The following CARHSP1 variants were observed in gnomAD, a reference collection of about 807,000 sequenced individuals.
The protein encoded by CARHSP1 is calcium-regulated heat-stable protein 1.
In CARHSP1, 14 loss-of-function variants were observed where a neutral mutation model predicts 12.5. That is an observed-to-expected ratio of 1.12 (90% CI 0.74 to 1.75). The LOEUF (loss-of-function observed/expected upper bound fraction) is 1.75. Among genes scored for constraint, CARHSP1 ranks in the 40% most tolerant of loss-of-function variants. CARHSP1 has a pLI of 0.00. For missense variants in CARHSP1, 343 were observed against 201.6 expected (o/e 1.70, Z -4.25); for synonymous variants, 161 against 82.0 (o/e 1.96, Z -5.20).
At chr16:8,862,494 C>CAGTT (rs942956533) in intron 1 of CARHSP1, among the ~76,000 whole-genome samples, 4 of 152,042 alleles carry the variant, frequency 2.6e-5, no homozygotes, top group Admixed American at 6.6e-5. Flanking sequence ...AGAGAATAAA[C>CAGTT]AGTTAAATAA....
chr16:8,859,506 T>C (rs2061274732), intron 1 of CARHSP1, among the ~76,000 whole-genome samples, 171 bp from the exon 2 acceptor site: 1 of 151,836 alleles, frequency 6.6e-6, no homozygotes, highest in Non-Finnish European at 1.5e-5. Flanking sequence ...ATGCCTACTC[T>C]GGGCTCCTGA....
At chr16:8,855,413 G>A in intron 3 of CARHSP1, 87 bp from the exon 4 acceptor site, 1 of 1,240,868 alleles carries the variant, frequency 8.1e-7, no homozygotes, top group East Asian at 2.8e-5. Context: ...TGGTCACACA[G>A]CCACCAAAGC....
intron 1 of CARHSP1, chr16:8,860,119 C>G (rs2231702): frequency 1.0e-5 from 10 of 985,040 alleles, no homozygotes; most frequent in East Asian, 1.1e-4. Context: ...ACGCAGTGTC[C>G]GCCTCCAGGG....
chr16:8,859,308 T>A lies in CARHSP1; in HGVS notation c.21A>T (p.Pro7=). 1 of 1,571,664 alleles carries A rather than the reference T, an allele frequency of 6.4e-7. No individual in the cohort carries two copies. Among genetic ancestry groups the A allele is most frequent in the Non-Finnish European group, 8.6e-7 (1 of 1,163,636 alleles). The change falls in exon 2 of 4, where the codon CCA becomes CCT. Residue 7 remains proline, a synonymous_variant. Transcript: ENST00000311052. MSSEPP[P]PPQPPTHQAS... ...CTTGATGGGTGGGGGGCTGTGGTGG[T>A]GGGGGAGGCTCAGATGACATGGCTG...
At chr16:8,864,513 G>A (rs754665021) in intron 1 of CARHSP1, among the ~76,000 whole-genome samples, 3 of 152,190 alleles carry the variant, frequency 2.0e-5, no homozygotes, top group African/African-American at 7.2e-5. Flanking sequence ...ATGGGAGAAC[G>A]GAGACACAAA....
chr16:8,853,098 G>A lies in CARHSP1; in HGVS notation c.*2066C>T, dbSNP rs1354597068. 6.6e-6 allele frequency: 1 copy of A among 152,004 alleles called. No individual in the cohort carries two copies. Among genetic ancestry groups the A allele is most frequent in the Admixed American group, 6.6e-5 (1 of 15,236 alleles). The allele number at this position is 152,004 out of a possible 1,614,324, so 9.4% of individuals were successfully genotyped here. A position where few individuals can be genotyped will look rare whatever the true frequency, so the allele number is the denominator to read the frequency against. On this transcript the variant is annotated 3_prime_UTR_variant, in exon 4 of 4. Transcript: ENST00000311052. Reference sequence around the variant, plus strand: ...GTTTCCCCTTGTGTAAACCGGTATCGCGTCCCTTCCAGCTCTGACATCCTG... The same window carrying A: ...GTTTCCCCTTGTGTAAACCGGTATCACGTCCCTTCCAGCTCTGACATCCTG...
Position 8,859,336 on chromosome 16 carries a change from C to G in CARHSP1, c.-7-1G>C. Reference sequence around the variant, plus strand: ...GGGAGGCTCAGATGACATGGCTGACCTGGAAAGAGAAGAGGCTGTCAGGGG... The same window carrying G: ...GGGAGGCTCAGATGACATGGCTGACGTGGAAAGAGAAGAGGCTGTCAGGGG... On this transcript the variant is annotated splice_acceptor_variant, in intron 1 of 3. Transcript: ENST00000311052. LOFTEE classifies it low-confidence loss of function (5UTR_SPLICE). 1 of 1,598,290 alleles carries G rather than the reference C, an allele frequency of 6.3e-7. No homozygotes were observed. The highest frequency in any genetic ancestry group is 8.5e-7 in the Non-Finnish European group (1 of 1,178,088).
intron 3 of CARHSP1, chr16:8,857,476 ATTTTTGTG>A (rs1365259870): frequency 1.4e-3 from 43 of 30,404 alleles, no homozygotes; most frequent in African/African-American, 5.4e-3. Flanking sequence ...ATTTTTTTGT[ATTTTTGTG>A]ATGACAGGAT....
intron 3 of CARHSP1, among the ~76,000 whole-genome samples, chr16:8,857,274 T>TTGTTTTTTTTTTTTG (rs1567181170): frequency 1.0e-5 from 1 of 97,524 alleles, no homozygotes; most frequent in Non-Finnish European, 2.0e-5. Context: ...TTTTTTTTTT[T>TTGTTTTTTTTTTTTG]TTTTTTTTTT....
chr16:8,856,779 G>A (rs771033138), intron 3 of CARHSP1, among the ~76,000 whole-genome samples: 2 of 152,136 alleles, frequency 1.3e-5, no homozygotes, highest in Non-Finnish European at 2.9e-5. Flanking sequence ...AAAGAAGCAG[G>A]TAGGGACAAG....
At position 8,863,966 on chromosome 16, in the gene CARHSP1, G is replaced by A. The variant is rs1184103933; in HGVS notation, c.-7-4631C>T. Among the ~76,000 whole-genome samples, 8 of 152,294 alleles carry A rather than the reference G, an allele frequency of 5.3e-5. No individual in the cohort carries two copies. The South Asian group carries it at 1.7e-3, about 32-fold the overall frequency. On this transcript the variant is annotated intron_variant, in intron 1 of 3. Transcript: ENST00000311052. The stretch of plus-strand genomic sequence containing the variant: ...CTTGGAGTGTCCCCAGCAGAAGACA[G>A]GGCCTGCCCTCTGTGACTAGCCTTC...
intron 1 of CARHSP1, chr16:8,860,149 G>C: frequency 2.0e-6 from 2 of 985,436 alleles, no homozygotes; most frequent in Non-Finnish European, 2.4e-6. Flanking sequence ...ACACGTCGCA[G>C]AGAGCTCAAG....
chr16:8,859,259 G>A lies in CARHSP1; in HGVS notation c.70C>T (p.Pro24Ser). The A allele has an allele frequency of 6.2e-7, 1 of 1,602,902 alleles. No homozygotes were observed. The highest frequency in any genetic ancestry group is 8.5e-7 in the Non-Finnish European group (1 of 1,177,300). ...HQASVGLLDT[P>S]RSRERSPSPL... ...GATGGTGAGCGCTCACGGCTCCGAGGGGTGTCCAGCAGCCCGACTGAAGCT... is the reference window on the plus strand; with the variant it reads ...GATGGTGAGCGCTCACGGCTCCGAGAGGTGTCCAGCAGCCCGACTGAAGCT... Residue 24 changes from proline to serine, a missense_variant, in exon 2 of 4, where the codon CCT becomes TCT. By Grantham distance (74) the Pro-to-Ser change is moderately conservative. Transcript: ENST00000311052.
At chr16:8,865,935 G>A (rs775101759) in intron 1 of CARHSP1, among the ~76,000 whole-genome samples, 5 of 152,124 alleles carry the variant, frequency 3.3e-5, no homozygotes, top group Non-Finnish European at 7.4e-5. Flanking sequence ...GGTGTGGGGT[G>A]GGGCCTGAGA....
Position 8,857,267 on chromosome 16 carries a change from T to TTTGTTTTTTG in CARHSP1, c.281+1082_281+1083insCAAAAAACAA, listed in dbSNP as rs1285555523. On this transcript the variant is annotated intron_variant, in intron 3 of 3. Transcript: ENST00000311052. ...TATGTGATCTTGGGCAGATCTGTTT[T>TTTGTTTTTTG]TTTTTTTTTTTTTTTTTTTTTTTTT... Among the ~76,000 whole-genome samples, 140 of 17,226 alleles carry TTTGTTTTTTG rather than the reference T, an allele frequency of 8.1e-3. 16 individuals carry two copies. The highest frequency in any genetic ancestry group is 0.024 in the African/African-American group (124 of 5,160). 11.3% of individuals were successfully genotyped at this position (17,226 alleles called of 152,430 possible).
chr16:8,860,229 C>G (rs768679342), intron 1 of CARHSP1: 13 of 984,942 alleles, frequency 1.3e-5, no homozygotes, highest in Non-Finnish European at 1.6e-5. Context: ...CTGCGAGAGC[C>G]CAAAGGGAAA....
chr16:8,860,111 G>C (rs983434283), intron 1 of CARHSP1: 1 of 984,360 alleles, frequency 1.0e-6, no homozygotes, highest in East Asian at 1.1e-4. Flanking sequence ...TGACCCTCAC[G>C]CAGTGTCCGC....
chr16:8,857,263 G>GTTTTTTGTTTTTTGTTTTTTGT (rs1315960023), intron 3 of CARHSP1, among the ~76,000 whole-genome samples: 4 of 57,006 alleles, frequency 7.0e-5, no homozygotes, highest in South Asian at 8.8e-4. Context: ...GGGCAGATCT[G>GTTTTTTGTTTTTTGTTTTTTGT]TTTTTTTTTT....
Position 8,860,235 on chromosome 16 carries a change from G to C in CARHSP1, c.-7-900C>G, listed in dbSNP as rs139210842. The C allele has an allele frequency of 7.9e-3, 7,815 of 984,768 alleles. 42 individuals carry two copies. The highest frequency in any genetic ancestry group is 0.011 in the Middle Eastern group (22 of 1,914). The allele number at this position is 984,768 out of a possible 1,614,324, so 61.0% of individuals were successfully genotyped here. On this transcript the variant is annotated intron_variant, in intron 1 of 3. Coordinates refer to ENST00000311052, the MANE Select transcript of CARHSP1 (RefSeq NM_014316.4). The stretch of plus-strand genomic sequence containing the variant: ...GGGGGCCTGCTGCGAGAGCCCAAAG[G>C]GAAAGGGAGAATTTCCAAGGCTGCA...
Sources: gnomAD v4.1 joint callset for allele counts (sites outside exome capture counted in the v4.1 genomes callset) on GRCh38, gnomAD v4.1.1 for gene constraint, MANE v1.5 for transcripts, NCBI Gene and HGNC (gene_info 2026-07-23, HGNC 2026-07-21) for gene names.